The following SPOCK1 variants were observed in gnomAD, a reference collection of about 807,000 sequenced individuals.
SPOCK1 encodes the protein SPARC (osteonectin), cwcv and kazal like domains proteoglycan 1.
SPOCK1 carries 23 observed loss-of-function variants against 55.3 expected under a neutral mutation model. The ratio of observed to expected loss-of-function variants is 0.42; its 90% confidence interval spans 0.30 to 0.59. The LOEUF (loss-of-function observed/expected upper bound fraction) is 0.59, where lower values mean the gene tolerates loss of function less well. Among genes scored for constraint, SPOCK1 ranks in the 20% least tolerant of loss-of-function variants. The pLI is 0.22. For synonymous variants in SPOCK1, 226 were observed against 221.0 expected (o/e 1.02, Z -0.20); for missense variants, 499 against 552.5 (o/e 0.90, Z 0.97).
intron 1 of SPOCK1, 79 bp from the exon 2 acceptor site, chr5:137,498,637 C>T: frequency 8.5e-7 from 1 of 1,171,338 alleles, no homozygotes; most frequent in Non-Finnish European, 1.1e-6. Context: ...GTCCCAGCGC[C>T]CCAGCCCGGA....
At chr5:137,176,728 A>G (rs1025736812) in intron 3 of SPOCK1, among the ~76,000 whole-genome samples, 4 of 152,210 alleles carry the variant, frequency 2.6e-5, no homozygotes, top group African/African-American at 4.8e-5. Flanking sequence ...AGACAGGCTG[A>G]AGGCTGGCAT....
At chr5:137,163,313 C>T (rs529445526) in intron 3 of SPOCK1, among the ~76,000 whole-genome samples, 7 of 152,142 alleles carry the variant, frequency 4.6e-5, no homozygotes, top group South Asian at 2.1e-4. Context: ...AGAGAGGTGG[C>T]GTGGCTGCCA....
intron 2 of SPOCK1, among the ~76,000 whole-genome samples, chr5:137,292,335 G>A (rs1280486803): frequency 6.8e-6 from 1 of 147,572 alleles, no homozygotes; most frequent in Non-Finnish European, 1.5e-5. Flanking sequence ...ACTACCCTAA[G>A]CTAAACCCCT....
At chr5:137,188,620 C>G (rs1755118226) in intron 3 of SPOCK1, among the ~76,000 whole-genome samples, 1 of 152,018 alleles carries the variant, frequency 6.6e-6, no homozygotes. Flanking sequence ...TTCCTCTCCT[C>G]AGGCCTCCCT....
chr5:137,253,975 A>C lies in SPOCK1; in HGVS notation c.232+13035T>G, dbSNP rs374735246. 2.1e-4 allele frequency among the ~76,000 whole-genome samples: 32 copies of C among 152,364 alleles called. No individual in the cohort carries two copies. In the Middle Eastern group the frequency reaches 0.017, roughly 81 times the overall value. On this transcript the variant is annotated intron_variant, in intron 3 of 10. Coordinates refer to ENST00000394945, the MANE Select transcript of SPOCK1 (RefSeq NM_004598.4). Reference sequence around the variant, plus strand: ...AGCATTCGAAACCATTTCTGGGTGAAGGAATCTGTGCCTTGCTATGAGAAC... The same window carrying C: ...AGCATTCGAAACCATTTCTGGGTGACGGAATCTGTGCCTTGCTATGAGAAC...
chr5:137,009,361 A>G (rs1463602314), intron 6 of SPOCK1, among the ~76,000 whole-genome samples: 1 of 152,204 alleles, frequency 6.6e-6, no homozygotes, highest in African/African-American at 2.4e-5. Flanking sequence ...TATATCCACC[A>G]ATGGAAAAAC....
intron 2 of SPOCK1, among the ~76,000 whole-genome samples, chr5:137,346,031 T>C (rs1750548067): frequency 6.6e-6 from 1 of 152,184 alleles, no homozygotes; most frequent in South Asian, 2.1e-4. Flanking sequence ...CCCAAGGCCA[T>C]GGGGCTGAGT....
At chr5:137,362,619 C>T (rs186454543) in intron 2 of SPOCK1, among the ~76,000 whole-genome samples, 57 of 152,278 alleles carry the variant, frequency 3.7e-4, no homozygotes, top group Admixed American at 2.6e-4. Flanking sequence ...TGAGCCACCG[C>T]GCCCGGCCAG....
chr5:137,073,962 C>T (rs752931135), intron 5 of SPOCK1, among the ~76,000 whole-genome samples: 8 of 152,142 alleles, frequency 5.3e-5, no homozygotes, highest in Non-Finnish European at 8.8e-5. Flanking sequence ...ATACCACTGG[C>T]GGCGGGACAG....
intron 2 of SPOCK1, among the ~76,000 whole-genome samples, chr5:137,405,435 C>T (rs992437437): frequency 3.3e-5 from 5 of 152,134 alleles, no homozygotes; most frequent in African/African-American, 1.2e-4. Flanking sequence ...GCTGGCTGCC[C>T]GTTTCTCCTG....
chr5:137,330,752 T>C (rs1425540443), intron 2 of SPOCK1, among the ~76,000 whole-genome samples: 3 of 152,228 alleles, frequency 2.0e-5, no homozygotes. Flanking sequence ...TGTGAATCTT[T>C]GCAAAGATCT....
At chr5:137,160,579 TATATATAATATATAATATATTATATATA>T (rs1754520562) in intron 3 of SPOCK1, among the ~76,000 whole-genome samples, 7 of 60,126 alleles carry the variant, frequency 1.2e-4, no homozygotes, top group East Asian at 6.7e-4. Context: ...TATTATATAA[TATATATAATATATAATATATTATATATA>T]ATATATAATA....
chr5:137,452,816 A>G (rs1354590510), intron 2 of SPOCK1, among the ~76,000 whole-genome samples: 1 of 152,144 alleles, frequency 6.6e-6, no homozygotes, highest in African/African-American at 2.4e-5. Context: ...TATCAGCTCT[A>G]TGAGGGCCCA....
chr5:136,981,406 C>T lies in SPOCK1; in HGVS notation c.992-1937G>A, dbSNP rs528878771. ...TCATCTTATTCACTTTGTGTTGTTCCTATAGTTTAAGTTACATCTAGTTAA... is the reference window on the plus strand; with the variant it reads ...TCATCTTATTCACTTTGTGTTGTTCTTATAGTTTAAGTTACATCTAGTTAA... On this transcript the variant is annotated intron_variant, in intron 9 of 10. Transcript: ENST00000394945. 1.8e-4 allele frequency among the ~76,000 whole-genome samples: 27 copies of T among 152,082 alleles called. No individual in the cohort carries two copies. In the South Asian group the frequency reaches 5.4e-3, roughly 30 times the overall value.
rs113474832 is a variant in SPOCK1, at chr5:136,984,802, T to C, written c.991+338A>G. Among the ~76,000 whole-genome samples, 111 of 152,280 alleles carry C rather than the reference T, an allele frequency of 7.3e-4. 1 individual carries two copies. The highest frequency in any genetic ancestry group is 2.6e-3 in the African/African-American group (106 of 41,564). On this transcript the variant is annotated intron_variant, in intron 9 of 10. Transcript: ENST00000394945. ...AGGAAATGCTATAATTTTTAGACCT[T>C]ATAGTTTGAGCACTTGAGAGCACCA...
chr5:137,160,587 A>ATATATAATATATATTT (rs1754522265), intron 3 of SPOCK1, among the ~76,000 whole-genome samples: 1 of 62,262 alleles, frequency 1.6e-5, no homozygotes, highest in East Asian at 7.6e-4. Context: ...AATATATATA[A>ATATATAATATATATTT]TATATAATAT....
chr5:137,142,403 A>G (rs1434654), intron 3 of SPOCK1, among the ~76,000 whole-genome samples: 136,404 of 152,226 alleles, frequency 0.9, 61,188 homozygotes, highest in African/African-American at 0.93. Flanking sequence ...AACATCCAAA[A>G]GCATTTCTGC....
chr5:137,080,232 T>C lies in SPOCK1; in HGVS notation c.475-12403A>G, dbSNP rs556168204. Among the ~76,000 whole-genome samples, 5 of 152,288 alleles carry C rather than the reference T, an allele frequency of 3.3e-5. No homozygotes were observed. In the South Asian group the frequency reaches 6.2e-4, roughly 19 times the overall value. On this transcript the variant is annotated intron_variant, in intron 5 of 10. Transcript: ENST00000394945. ...AAGAAATGGAGGCTCACAGATGTCG[T>C]TTGGCCAATGAAAGCCAGCTCTAAC...
intron 3 of SPOCK1, among the ~76,000 whole-genome samples, chr5:137,187,120 T>A (rs187904849): frequency 2.3e-4 from 35 of 152,298 alleles, no homozygotes; most frequent in Non-Finnish European, 4.6e-4. Context: ...TGCCCTAGGT[T>A]ATCCCTCTGT....
Sources: allele counts gnomAD v4.1 joint callset (sites outside exome capture counted in the v4.1 genomes callset), GRCh38; gene constraint gnomAD v4.1.1; transcripts MANE v1.5; gene names NCBI Gene and HGNC (gene_info 2026-07-23, HGNC 2026-07-21).